Variants in FLNB observed in about 807,000 individuals in gnomAD.
FLNB encodes the protein filamin-B.
In FLNB, 111 loss-of-function variants were observed where a neutral mutation model predicts 250.6. That is an observed-to-expected ratio of 0.44 (90% confidence interval 0.38 to 0.52). FLNB has a LOEUF of 0.52. Among genes scored for constraint, FLNB ranks in the 20% least tolerant of loss-of-function variants. The pLI is 0.00. For synonymous variants in FLNB, 1,302 were observed against 1,372.1 expected, an observed-to-expected ratio of 0.95 and a Z score of 1.13; for missense variants, 2,869 against 3,447.8, an observed-to-expected ratio of 0.83 and a Z score of 4.20.
At chr3:58,067,312 C>G (rs2097187060) in intron 1 of FLNB, among the ~76,000 whole-genome samples, 1 of 152,016 alleles carries the variant, frequency 6.6e-6, no homozygotes, top group Non-Finnish European at 1.5e-5. Context: ...CATGAAAAGA[C>G]CTGCCAAGTC....
chr3:58,009,734 A>T (rs545931238), intron 1 of FLNB, among the ~76,000 whole-genome samples: 2 of 152,262 alleles, frequency 1.3e-5, no homozygotes, highest in East Asian at 3.9e-4. Context: ...GAACTGAAGG[A>T]AGTGGGCAAC....
intron 1 of FLNB, among the ~76,000 whole-genome samples, chr3:58,032,544 G>A (rs954294985): frequency 6.6e-6 from 1 of 152,168 alleles, no homozygotes; most frequent in Non-Finnish European, 1.5e-5. Flanking sequence ...ACCATCTCAA[G>A]GGACTGCTGA....
At chr3:58,068,094 A>G (rs534706497) in intron 1 of FLNB, among the ~76,000 whole-genome samples, 2 of 152,094 alleles carry the variant, frequency 1.3e-5, no homozygotes, top group East Asian at 3.9e-4. Flanking sequence ...AGGCATGCCC[A>G]CTGTTCAGGT....
chr3:58,093,513 G>T (rs1220901718), intron 4 of FLNB, among the ~76,000 whole-genome samples: 1 of 152,158 alleles, frequency 6.6e-6, no homozygotes, highest in East Asian at 1.9e-4. Context: ...AGCCCACTAA[G>T]AGTTGCCTGA....
rs1268036129 is a variant in FLNB, at chr3:58,145,969, C to T, written c.5474C>T (p.Ser1825Phe). Residue 1825 changes from serine (S) to phenylalanine (F), a missense_variant, in exon 33 of 46, where the codon TCT (serine) becomes TTT (phenylalanine). Physicochemically the swap from Ser to Phe is radical, Grantham distance 155. This residue lies in a region of FLNB where 1,084 missense variants were observed against 1,315.5 expected (regional missense o/e 0.82). Transcript: ENST00000295956. ...AACTACCCCAACAGTGGAAGTGTTT[C>T]TGCATACGGTCCAGGCCTCGTGTAT... ...YVNYPNSGSVSAYGPGLVYGV... is the reference protein window; with the variant it reads ...YVNYPNSGSVFAYGPGLVYGV... The T allele has an allele frequency of 6.2e-7, 1 of 1,614,212 alleles. No homozygotes were observed. The highest frequency in any genetic ancestry group is 8.5e-7 in the Non-Finnish European group (1 of 1,180,024).
intron 4 of FLNB, among the ~76,000 whole-genome samples, chr3:58,088,469 G>A (rs950113190): frequency 1.3e-5 from 2 of 152,256 alleles, no homozygotes; most frequent in Admixed American, 6.5e-5. Context: ...AAACCCCTGG[G>A]CTATACATAA....
At chr3:58,127,157 T>C (rs1454424349) in intron 24 of FLNB, among the ~76,000 whole-genome samples, 1 of 152,072 alleles carries the variant, frequency 6.6e-6, no homozygotes, top group Non-Finnish European at 1.5e-5. Flanking sequence ...TCCCCATCTT[T>C]ACAAGAAATA....
chr3:58,097,991 C>G lies in FLNB; in HGVS notation c.1147+14C>G. 3 of 1,613,568 alleles carry G rather than the reference C, an allele frequency of 1.9e-6. No individual in the cohort carries two copies. The highest frequency in any genetic ancestry group is 2.5e-6 in the Non-Finnish European group (3 of 1,179,682). Reference sequence around the variant, plus strand: ...TCTATACGGCAGGTAACGTGCCTCTCCTCCATGGATCTGACCTTTGCGCTT... The same window carrying G: ...TCTATACGGCAGGTAACGTGCCTCTGCTCCATGGATCTGACCTTTGCGCTT... On this transcript the variant is annotated intron_variant, in intron 7 of 45. Coordinates refer to ENST00000295956, the MANE Select transcript of FLNB (RefSeq NM_001457.4).
Position 58,112,172 on chromosome 3 carries a change from C to T in FLNB, c.2599C>T (p.His867Tyr). The change falls in exon 18 of 46, where the codon CAC becomes TAC. Residue 867 changes from histidine to tyrosine, a missense_variant. Physicochemically the swap from His to Tyr is moderately conservative, Grantham distance 83. Coordinates refer to ENST00000295956, the MANE Select transcript of FLNB (RefSeq NM_001457.4). ...AGGTGTGGAAAATGGGAAACCGACC[C>T]ACTTCACTGTCTACACCAAGGGGGC... ...KAGVENGKPTHFTVYTKGAGK... is the reference protein window; with the variant it reads ...KAGVENGKPTYFTVYTKGAGK... 6 of 1,614,166 alleles carry T rather than the reference C, an allele frequency of 3.7e-6. No homozygotes were observed. Among genetic ancestry groups the T allele is most frequent in the Non-Finnish European group, 5.1e-6 (6 of 1,180,008 alleles).
intron 16 of FLNB, 35 bp downstream of exon 16, chr3:58,110,205 T>C: frequency 6.2e-7 from 1 of 1,609,276 alleles, no homozygotes; most frequent in Non-Finnish European, 8.5e-7. Flanking sequence ...ATGGGTGGAG[T>C]AGGCCTGGAT....
chr3:58,013,082 C>A (rs1329020439), intron 1 of FLNB, among the ~76,000 whole-genome samples: 2 of 152,188 alleles, frequency 1.3e-5, no homozygotes, highest in African/African-American at 2.4e-5. Context: ...GTCTTTAATT[C>A]CAGCTGTTTG....
intron 1 of FLNB, among the ~76,000 whole-genome samples, chr3:58,028,685 C>T (rs991004326): frequency 6.7e-6 from 1 of 150,156 alleles, no homozygotes; most frequent in Admixed American, 6.6e-5. Context: ...ATGATCTCAG[C>T]TCACTGCAAC....
rs577715021 is a variant in FLNB at position 58,172,212 on chromosome 3, G to C, written c.*1450G>C. 3 of 152,596 alleles carry C rather than the reference G, an allele frequency of 2.0e-5. No individual in the cohort carries two copies. The highest frequency in any genetic ancestry group is 4.8e-5 in the African/African-American group (2 of 41,418). 9.5% of individuals were successfully genotyped at this position (152,596 alleles called of 1,614,324 possible). A position where few individuals can be genotyped will look rare whatever the true frequency, so the allele number is the denominator to read the frequency against. Reference sequence around the variant, plus strand: ...TGGAATCAAACGCCGACTGTAAATTGTATCTTATAACTTATTAAATAAAAC... The same window carrying C: ...TGGAATCAAACGCCGACTGTAAATTCTATCTTATAACTTATTAAATAAAAC... On this transcript the variant is annotated 3_prime_UTR_variant, in exon 46 of 46. Coordinates refer to ENST00000295956, the MANE Select transcript of FLNB (RefSeq NM_001457.4).
intron 23 of FLNB, 135 bp downstream of exon 23, chr3:58,125,878 T>G: frequency 2.4e-6 from 2 of 843,670 alleles, no homozygotes; most frequent in South Asian, 3.2e-5. Context: ...TAGAGACTTA[T>G]GTTACATAGA....
At chr3:58,050,021 C>CTTTTTTTTTTTTT (rs34910480) in intron 1 of FLNB, among the ~76,000 whole-genome samples, 5 of 130,480 alleles carry the variant, frequency 3.8e-5, no homozygotes, top group Non-Finnish European at 3.3e-5. Context: ...TAGAAAATGC[C>CTTTTTTTTTTTTT]TTTTTTTTTT....
chr3:58,126,850 A>T, intron 24 of FLNB, 88 bp downstream of exon 24: 4 of 1,193,534 alleles, frequency 3.4e-6, no homozygotes, highest in South Asian at 2.6e-5. Context: ...GAGTGGGGAA[A>T]ACAATCTGAT....
In FLNB at chr3:58,154,780, T is replaced by C. The variant is rs766783384; in HGVS notation, c.6635-11T>C. 1.2e-6 allele frequency: 2 copies of C among 1,613,612 alleles called. No homozygotes were observed. The highest frequency in any genetic ancestry group is 2.7e-5 in the African/African-American group (2 of 74,864). ...GGCTCAGTCACTAACCAGGTTTCTC[T>C]TTGCTCTCAGCTGAGTTCAGCATTT... On this transcript the variant is annotated splice_polypyrimidine_tract_variant and intron_variant, in intron 39 of 45. Transcript: ENST00000295956.
chr3:58,029,883 C>T (rs979243534), intron 1 of FLNB, among the ~76,000 whole-genome samples: 1 of 152,068 alleles, frequency 6.6e-6, no homozygotes, highest in African/African-American at 2.4e-5. Flanking sequence ...CATGCTTTCT[C>T]TGAGGCCTCC....
chr3:58,134,118 C>T (rs148976064), intron 26 of FLNB, among the ~76,000 whole-genome samples: 9 of 152,292 alleles, frequency 5.9e-5, no homozygotes, highest in African/African-American at 9.6e-5. Context: ...TGTGGGTGCA[C>T]GGCATGTTAG....
Sources: allele counts gnomAD v4.1 joint callset (sites outside exome capture counted in the v4.1 genomes callset), GRCh38; gene constraint gnomAD v4.1.1; regional missense constraint gnomAD v4.1.1; transcripts MANE v1.5; gene names NCBI Gene and HGNC (gene_info 2026-07-23, HGNC 2026-07-21).